The following TSNAXIP1 variants were observed in gnomAD, a reference collection of about 807,000 sequenced individuals.
TSNAXIP1 encodes translin associated factor X interacting protein 1, also known as translin-associated factor X-interacting protein 1.
A neutral mutation model predicts 84.8 loss-of-function variants in TSNAXIP1; 89 were observed. The observed-to-expected ratio is 1.05, with a 90% CI of 0.88 to 1.25. The LOEUF is 1.25. Among genes scored for constraint, TSNAXIP1 ranks in the 50% most tolerant of loss-of-function variants. The pLI, the probability that TSNAXIP1 is intolerant of heterozygous loss-of-function variation, is 0.00. For missense variants in TSNAXIP1, 874 were observed against 887.6 expected (o/e 0.98, Z 0.20); for synonymous variants, 347 against 335.2 (o/e 1.04, Z -0.39).
At chr16:67,812,849 G>A (rs761651705) in intron 1 of TSNAXIP1, among the ~76,000 whole-genome samples, 4 of 152,060 alleles carry the variant, frequency 2.6e-5, no homozygotes, top group Non-Finnish European at 2.9e-5. Context: ...GGGCTCAAGC[G>A]ATCTGCCCGC....
At chr16:67,822,102 C>A (rs1424410875) in intron 4 of TSNAXIP1, among the ~76,000 whole-genome samples, 2 of 151,328 alleles carry the variant, frequency 1.3e-5, no homozygotes, top group Admixed American at 6.6e-5. Flanking sequence ...CATGGTGAAA[C>A]CCCGTCTCTA....
In TSNAXIP1 at chr16:67,807,280, C is replaced by T. The variant is rs962061791; in HGVS notation, c.47+84C>T. 8 of 1,535,288 alleles carry T rather than the reference C, an allele frequency of 5.2e-6. No individual in the cohort carries two copies. The Admixed American group carries it at 5.9e-5, about 11-fold the overall frequency. ...ATGGCACTTGATCCGGACCTCTGCA[C>T]CTCCTGCTGGCCTCTGACCATTGAT... On this transcript the variant is annotated intron_variant, in intron 1 of 15. Transcript: ENST00000561639.
intron 1 of TSNAXIP1, among the ~76,000 whole-genome samples, chr16:67,810,962 C>A (rs1270284909): frequency 6.6e-6 from 1 of 151,748 alleles, no homozygotes; most frequent in Admixed American, 6.6e-5. Context: ...TGGTCTCGAT[C>A]TCCTGACCTC....
intron 7 of TSNAXIP1, 53 bp downstream of exon 7, chr16:67,825,325 T>A (rs1567771230): frequency 5.6e-6 from 9 of 1,604,860 alleles, no homozygotes; most frequent in Non-Finnish European, 7.7e-6. Context: ...GCTGGAAGAC[T>A]CTGGTCTCAC....
chr16:67,825,101 G>C (rs375147435), intron 6 of TSNAXIP1, 36 bp from the exon 7 acceptor site: 169 of 1,607,516 alleles, frequency 1.1e-4, no homozygotes, highest in Non-Finnish European at 1.4e-4. Flanking sequence ...AGGGGTCCAG[G>C]GGCAGCCCCT....
chr16:67,823,394 T>G (rs2057208377), intron 4 of TSNAXIP1, among the ~76,000 whole-genome samples: 1 of 151,330 alleles, frequency 6.6e-6, no homozygotes, highest in African/African-American at 2.4e-5. Context: ...AATACAAAAA[T>G]TAGCCAGGTG....
At chr16:67,810,832 C>T (rs1453834060) in intron 1 of TSNAXIP1, among the ~76,000 whole-genome samples, 9 of 151,076 alleles carry the variant, frequency 6.0e-5, no homozygotes, top group South Asian at 2.1e-4. Flanking sequence ...CTCTGCCTCC[C>T]GGGTTCAAGC....
At position 67,823,652 on chromosome 16, in the gene TSNAXIP1, C is replaced by T. The variant is rs1215011249; in HGVS notation, c.414C>T (p.Phe138=). 1.9e-6 allele frequency: 3 copies of T among 1,613,754 alleles called. No homozygotes were observed. The African/African-American group carries it at 4.0e-5, about 22-fold the overall frequency. Reference sequence around the variant, plus strand: ...CTTACAGAGAGATCTTTGAGTTCTTCATAGAGGACTTCAAAACGTACAAGC... The same window carrying T: ...CTTACAGAGAGATCTTTGAGTTCTTTATAGAGGACTTCAAAACGTACAAGC... The part of the protein sequence containing the change: ...LQPYREIFEF[F]IEDFKTYKPL... Residue 138 remains phenylalanine, a synonymous_variant, in exon 5 of 16, where the codon TTC becomes TTT. Coordinates refer to ENST00000561639, the MANE Select transcript of TSNAXIP1 (RefSeq NM_001288990.3).
rs373627128 is a variant in TSNAXIP1 at position 67,813,731 on chromosome 16, CA to C, written c.48-547del. On this transcript the variant is annotated intron_variant, in intron 1 of 15. Transcript: ENST00000561639. ...TGGGTGACAGGGTAAGACTCCGTCTCAAAAAAAAAAAAAAAAAAAAAAAAGA... is the reference window on the plus strand; with the variant it reads ...TGGGTGACAGGGTAAGACTCCGTCTCAAAAAAAAAAAAAAAAAAAAAAAGA... Among the ~76,000 whole-genome samples the C allele has an allele frequency of 8.6e-3, 355 of 41,200 alleles. 1 individual carries two copies. The highest frequency in any genetic ancestry group is 0.025 in the African/African-American group (249 of 10,118). The allele number at this position is 41,200 out of a possible 152,430, so 27.0% of individuals were successfully genotyped here.
chr16:67,823,109 CAG>C (rs773241189), intron 4 of TSNAXIP1, among the ~76,000 whole-genome samples: 1 of 152,192 alleles, frequency 6.6e-6, no homozygotes, highest in Non-Finnish European at 1.5e-5. Flanking sequence ...CACTAGGCCT[CAG>C]AGACAGCATC....
chr16:67,815,254 C>T (rs1278825265), intron 2 of TSNAXIP1, among the ~76,000 whole-genome samples: 1 of 137,806 alleles, frequency 7.3e-6, no homozygotes, highest in Admixed American at 8.4e-5. Context: ...GTGGAGGTTG[C>T]AGTGAGCCGA....
At chr16:67,809,843 G>A (rs1470408024) in intron 1 of TSNAXIP1, among the ~76,000 whole-genome samples, 1 of 151,892 alleles carries the variant, frequency 6.6e-6, no homozygotes, top group African/African-American at 2.4e-5. Flanking sequence ...CAGCTACTCA[G>A]GAGGCTGAAG....
intron 4 of TSNAXIP1, among the ~76,000 whole-genome samples, chr16:67,822,667 A>C (rs1420890683): frequency 6.6e-6 from 1 of 152,190 alleles, no homozygotes; most frequent in Non-Finnish European, 1.5e-5. Flanking sequence ...GATGACAGAG[A>C]ATCCCTGCCT....
intron 2 of TSNAXIP1, among the ~76,000 whole-genome samples, chr16:67,820,484 C>T (rs753188077): frequency 1.3e-5 from 2 of 152,022 alleles, no homozygotes. Flanking sequence ...CAGTGGTTCA[C>T]GCCTGTAATC....
chr16:67,825,832 A>G lies in TSNAXIP1; in HGVS notation c.980A>G (p.Glu327Gly), dbSNP rs2057395026. ...MQEKTNKDLQ[E>G]QLDTLRASYE... is the part of the protein sequence containing the mutation. ...GAGAAGACCAACAAGGATCTTCAGG[A>G]GCAGGTGCTGGCAGGCAGGCAGGGC... Residue 327 changes from glutamate to glycine, a missense_variant, in exon 8 of 16, where the codon GAG (glutamate) becomes GGG (glycine). By Grantham distance (98) the Glu-to-Gly change is moderately conservative (BLOSUM62 -2). Transcript: ENST00000561639. The G allele has an allele frequency of 6.2e-7, 1 of 1,614,128 alleles. No individual in the cohort carries two copies. The highest frequency in any genetic ancestry group is 8.5e-7 in the Non-Finnish European group (1 of 1,180,022).
intron 5 of TSNAXIP1, 73 bp downstream of exon 5, chr16:67,823,792 A>G: frequency 7.7e-7 from 1 of 1,298,192 alleles, no homozygotes; most frequent in Non-Finnish European, 1.1e-6. Context: ...CCGAGGCGGT[A>G]GATCACTTGA....
chr16:67,826,021 G>A lies in TSNAXIP1; in HGVS notation c.1089G>A (p.Glu363=), dbSNP rs2057412550. Residue 363 remains glutamate, a synonymous_variant, in exon 9 of 16, where the codon GAG becomes GAA. Transcript: ENST00000561639. ...AGGAACGGGACCAATTCTTCTCTGA[G>A]CTGCAGGAGATCCAGCGCACTTCCA... ...TLKERDQFFS[E]LQEIQRTSTP... 2.5e-6 allele frequency: 4 copies of A among 1,613,998 alleles called. No homozygotes were observed. Among genetic ancestry groups the A allele is most frequent in the Non-Finnish European group, 2.5e-6 (3 of 1,180,030 alleles).
chr16:67,812,990 G>A (rs1294657473), intron 1 of TSNAXIP1, among the ~76,000 whole-genome samples: 5 of 151,764 alleles, frequency 3.3e-5, no homozygotes, highest in African/African-American at 9.7e-5. Flanking sequence ...GTGCAATCTC[G>A]GCTCACTGCA....
At chr16:67,810,247 G>T (rs1347505105) in intron 1 of TSNAXIP1, among the ~76,000 whole-genome samples, 8 of 152,092 alleles carry the variant, frequency 5.3e-5, no homozygotes, top group Non-Finnish European at 1.2e-4. Flanking sequence ...CTGGCACTTG[G>T]TGGATGGAAC....
Sources: gnomAD v4.1 joint callset for allele counts (sites outside exome capture counted in the v4.1 genomes callset) on GRCh38, gnomAD v4.1.1 for gene constraint, MANE v1.5 for transcripts, NCBI Gene and HGNC (gene_info 2026-07-23, HGNC 2026-07-21) for gene names.